HOMER2: variants seen among roughly 807,000 people sequenced by gnomAD.
The protein encoded by HOMER2 is homer scaffold protein 2.
In HOMER2, 27 loss-of-function variants were observed where a neutral mutation model predicts 47.0. The ratio of observed to expected loss-of-function variants is 0.57; its 90% CI spans 0.42 to 0.79. The LOEUF (loss-of-function observed/expected upper bound fraction) is 0.79. HOMER2 is among the 30% of genes least tolerant of loss of function. The pLI is 0.00. For missense variants in HOMER2, 443 were observed against 435.0 expected, an observed-to-expected ratio of 1.02 and a Z score of -0.16; for synonymous variants, 161 against 163.8, an observed-to-expected ratio of 0.98 and a Z score of 0.13.
chr15:82,927,822 T>C (rs2053892259), intron 1 of HOMER2, among the ~76,000 whole-genome samples: 1 of 152,086 alleles, frequency 6.6e-6, no homozygotes, highest in South Asian at 2.1e-4. Flanking sequence ...TACAAAAAAT[T>C]AGCCGGGCAT....
chr15:82,839,504 TAAA>T (rs2051155409), exon 2 of HOMER2: 1 of 152,220 alleles, frequency 6.6e-6, no homozygotes, highest in Admixed American at 6.5e-5. Flanking sequence ...TCTGTTGACT[TAAA>T]AACAGACACA....
At chr15:82,924,116 C>T (rs1040607528) in intron 1 of HOMER2, among the ~76,000 whole-genome samples, 4 of 152,062 alleles carry the variant, frequency 2.6e-5, no homozygotes, top group African/African-American at 7.2e-5. Flanking sequence ...AGAAAAGGTA[C>T]GGAGTATTGG....
chr15:82,854,402 T>A (rs1300052879), intron 6 of HOMER2, among the ~76,000 whole-genome samples: 3 of 151,350 alleles, frequency 2.0e-5, no homozygotes, highest in African/African-American at 7.3e-5. Context: ...CGAGACTCCA[T>A]CTCAAAAAAA....
At chr15:82,977,637 G>A (rs955151751) in intron 1 of HOMER2, among the ~76,000 whole-genome samples, 1 of 152,166 alleles carries the variant, frequency 6.6e-6, no homozygotes, top group Non-Finnish European at 1.5e-5. Flanking sequence ...AGGTGCTGGA[G>A]ATGAAGAGAC....
intron 1 of HOMER2, among the ~76,000 whole-genome samples, chr15:82,961,298 T>C (rs945708850): frequency 6.6e-6 from 1 of 152,232 alleles, no homozygotes; most frequent in Non-Finnish European, 1.5e-5. Flanking sequence ...GGGTTCCTCA[T>C]CCCCTCATCT....
At chr15:82,884,743 G>A (rs1469522820) in intron 2 of HOMER2, among the ~76,000 whole-genome samples, 1 of 69,042 alleles carries the variant, frequency 1.4e-5, no homozygotes, top group East Asian at 9.0e-4. Flanking sequence ...CATTGATTTT[G>A]TATCCTGAGA....
At chr15:82,838,896 A>G (rs1414351968) in exon 2 of HOMER2, 1 of 152,198 alleles carries the variant, frequency 6.6e-6, no homozygotes, top group East Asian at 1.9e-4. Context: ...CACATTTGGG[A>G]AAAGCCGGTT....
At chr15:82,934,390 C>T (rs1799901779) in intron 1 of HOMER2, among the ~76,000 whole-genome samples, 1 of 152,144 alleles carries the variant, frequency 6.6e-6, no homozygotes, top group African/African-American at 2.4e-5. Context: ...TCCAATGCCT[C>T]CTTCCCCATG....
downstream of HOMER2, chr15:82,846,883 CT>C (rs1343254725): frequency 6.6e-6 from 1 of 152,230 alleles, no homozygotes; most frequent in Non-Finnish European, 1.5e-5. Flanking sequence ...ATGCATCCAG[CT>C]GGGTCTTGAC....
At chr15:82,962,533 C>T (rs10220725) in intron 1 of HOMER2, among the ~76,000 whole-genome samples, 12,076 of 151,786 alleles carry the variant, frequency 0.08, 560 homozygotes, top group Middle Eastern at 0.14. Flanking sequence ...AAAAATTAGC[C>T]GGGTTTGGTG....
Position 82,870,894 on chromosome 15 carries a change from T to C in HOMER2, c.294+4379A>G, listed in dbSNP as rs1387162834. Reference sequence around the variant, plus strand: ...CGCTCCCCATTAAGGGCAGAATATGTTTCCTTCTGCCTGTAATGAATAAGA... The same window carrying C: ...CGCTCCCCATTAAGGGCAGAATATGCTTCCTTCTGCCTGTAATGAATAAGA... On this transcript the variant is annotated intron_variant, in intron 3 of 8. Transcript: ENST00000450735. 3.3e-5 allele frequency among the ~76,000 whole-genome samples: 5 copies of C among 152,234 alleles called. No individual in the cohort carries two copies. In the East Asian group the frequency reaches 9.6e-4, roughly 29 times the overall value.
At chr15:82,953,818 T>C (rs2054555771), upstream of HOMER2, among the ~76,000 whole-genome samples, 1 of 152,028 alleles carries the variant, frequency 6.6e-6, no homozygotes, top group Non-Finnish European at 1.5e-5. Context: ...GGAAGGCGGA[T>C]CTTGTAGTGA....
chr15:82,967,831 C>T (rs926111163), intron 1 of HOMER2, among the ~76,000 whole-genome samples: 8 of 150,926 alleles, frequency 5.3e-5, no homozygotes, highest in Admixed American at 1.3e-4. Context: ...GAGCCAAGAT[C>T]GCACCACTGC....
intron 2 of HOMER2, among the ~76,000 whole-genome samples, chr15:82,876,861 C>T (rs2151073309): frequency 6.6e-6 from 1 of 152,300 alleles, no homozygotes; most frequent in Middle Eastern, 3.4e-3. Flanking sequence ...AAACCGTTGC[C>T]TTAACTAAAG....
At chr15:82,933,056 T>C (rs1030220179) in intron 1 of HOMER2, among the ~76,000 whole-genome samples, 3 of 151,876 alleles carry the variant, frequency 2.0e-5, no homozygotes, top group Non-Finnish European at 4.4e-5. Context: ...TTCTCTAGGC[T>C]AAGTATGCCC....
At chr15:82,975,237 A>AG (rs1324120180) in intron 1 of HOMER2, among the ~76,000 whole-genome samples, 1 of 152,234 alleles carries the variant, frequency 6.6e-6, no homozygotes. Flanking sequence ...TGTGGAGAAA[A>AG]GGGAAGCCTC....
intron 1 of HOMER2, among the ~76,000 whole-genome samples, chr15:82,963,138 G>A (rs1304581076): frequency 2.0e-5 from 3 of 152,208 alleles, no homozygotes; most frequent in Non-Finnish European, 4.4e-5. Flanking sequence ...AGGCTAGCGT[G>A]TAGTGGTGCA....
intron 4 of HOMER2, among the ~76,000 whole-genome samples, chr15:82,860,956 T>TGTGAGAGAGAGA (rs1555420264): frequency 1.7e-3 from 72 of 42,438 alleles, no homozygotes; most frequent in African/African-American, 5.5e-3. Context: ...AGATAGAAGA[T>TGTGAGAGAGAGA]GAGAGAGAGA....
At chr15:82,910,959 T>G (rs1398374172) in intron 1 of HOMER2, among the ~76,000 whole-genome samples, 2 of 152,194 alleles carry the variant, frequency 1.3e-5, no homozygotes, top group Non-Finnish European at 2.9e-5. Context: ...CTAAGTCCCT[T>G]CAGTCTGTGT....
Sources: gnomAD v4.1 joint callset for allele counts (sites outside exome capture counted in the v4.1 genomes callset) on GRCh38, gnomAD v4.1.1 for gene constraint, MANE v1.5 for transcripts, NCBI Gene and HGNC (gene_info 2026-07-23, HGNC 2026-07-21) for gene names.